The following DLG2 variants were observed in gnomAD, a reference collection of about 807,000 sequenced individuals.
The protein encoded by DLG2 is discs large MAGUK scaffold protein 2.
In DLG2, 45 loss-of-function variants were observed where a neutral mutation model predicts 132.5. The ratio of observed to expected loss-of-function variants is 0.34; its 90% CI spans 0.27 to 0.44. The LOEUF (loss-of-function observed/expected upper bound fraction) is 0.44. Ranked by LOEUF, DLG2 falls within the 20% of genes least tolerant of loss-of-function variation. DLG2 has a pLI of 1.00. For synonymous variants in DLG2, 424 were observed against 419.6 expected (o/e 1.01, Z -0.13); for missense variants, 1,045 against 1,196.9 (o/e 0.87, Z 1.87).
chr11:84,338,756 A>G (rs1322920199), intron 7 of DLG2, among the ~76,000 whole-genome samples: 1 of 152,168 alleles, frequency 6.6e-6, no homozygotes, highest in Non-Finnish European at 1.5e-5. Flanking sequence ...CAGTGAGCCA[A>G]GATGGCGCCA....
At chr11:84,897,744 T>C (rs577066219) in intron 6 of DLG2, among the ~76,000 whole-genome samples, 1 of 152,038 alleles carries the variant, frequency 6.6e-6, no homozygotes, top group African/African-American at 2.4e-5. Flanking sequence ...TTACATAGTG[T>C]TTCCTAAATC....
chr11:83,824,593 A>T (rs560683856), intron 17 of DLG2, among the ~76,000 whole-genome samples: 10 of 152,340 alleles, frequency 6.6e-5, no homozygotes, highest in African/African-American at 2.4e-4. Context: ...TCCAAAGACT[A>T]AAAAAGTTAT....
At chr11:85,209,828 C>T (rs1023629628) in intron 4 of DLG2, among the ~76,000 whole-genome samples, 1 of 152,032 alleles carries the variant, frequency 6.6e-6, no homozygotes, top group African/African-American at 2.4e-5. Flanking sequence ...GATTTCATCT[C>T]CTATTTCCAA....
intron 6 of DLG2, among the ~76,000 whole-genome samples, chr11:84,986,095 A>C (rs1375234717): frequency 6.6e-6 from 1 of 151,854 alleles, no homozygotes; most frequent in East Asian, 1.9e-4. Context: ...AATCCTAATA[A>C]GCCCAATTAC....
At chr11:84,467,584 T>G (rs767581712) in intron 7 of DLG2, among the ~76,000 whole-genome samples, 4 of 151,358 alleles carry the variant, frequency 2.6e-5, no homozygotes, top group Non-Finnish European at 4.4e-5. Context: ...TAGGAGAAAG[T>G]TGGGGAGACC....
At chr11:84,462,928 A>G (rs2099084347) in intron 7 of DLG2, among the ~76,000 whole-genome samples, 1 of 151,282 alleles carries the variant, frequency 6.6e-6, no homozygotes, top group African/African-American at 2.4e-5. Context: ...GAGTTTTACC[A>G]AATTTTTAAC....
intron 7 of DLG2, among the ~76,000 whole-genome samples, chr11:84,519,951 G>T (rs2099290238): frequency 6.6e-6 from 1 of 152,008 alleles, no homozygotes; most frequent in African/African-American, 2.4e-5. Context: ...TAGGGAAAGG[G>T]GTCATAGTTT....
intron 18 of DLG2, among the ~76,000 whole-genome samples, chr11:83,770,813 T>C (rs892012858): frequency 1.3e-5 from 2 of 152,200 alleles, no homozygotes; most frequent in Admixed American, 6.5e-5. Flanking sequence ...ATTACAATAA[T>C]GTATCCTTAA....
At chr11:83,964,670 T>C (rs531571285) in intron 13 of DLG2, among the ~76,000 whole-genome samples, 52 of 152,124 alleles carry the variant, frequency 3.4e-4, no homozygotes, top group Admixed American at 1.1e-3. Context: ...CGTGTTGACC[T>C]ATTAAGAAGA....
intron 3 of DLG2, among the ~76,000 whole-genome samples, chr11:85,437,147 C>T (rs776438674): frequency 6.6e-5 from 10 of 151,836 alleles, no homozygotes; most frequent in Non-Finnish European, 1.3e-4. Context: ...CCAGGAACTG[C>T]GTGGGGAGGG....
rs1567807075 is a variant in DLG2 at position 84,502,390 on chromosome 11, CTTTCTTTCTTTCTTTCTTT to C, written c.519+32161_519+32179del. On this transcript the variant is annotated intron_variant, in intron 7 of 27. Coordinates refer to ENST00000376104, the MANE Select transcript of DLG2 (RefSeq NM_001142699.3). ...TCTTTCTTTCTTTCTTTCTTTCTTT[CTTTCTTTCTTTCTTTCTTT>C]CTTTCTATACAGAGTCTCATGCTGT... 1.5e-3 allele frequency among the ~76,000 whole-genome samples: 140 copies of C among 91,544 alleles called. 4 individuals are homozygous for C. The highest frequency in any genetic ancestry group is 1.8e-3 in the African/African-American group (34 of 19,098). 60.1% of individuals were successfully genotyped at this position (91,544 alleles called of 152,430 possible).
Position 83,629,784 on chromosome 11 carries a change from C to T in DLG2, c.1940+3427G>A, listed in dbSNP as rs80249512. Among the ~76,000 whole-genome samples the T allele has an allele frequency of 3.0e-3, 464 of 152,212 alleles. 2 individuals are homozygous for T. The highest frequency in any genetic ancestry group is 0.011 in the African/African-American group (452 of 41,546). ...GTGAACGAGAGCCTCAAAATACACG[C>T]AATAAAATTCATATTCCAGTAGCTC... On this transcript the variant is annotated intron_variant, in intron 19 of 27. Coordinates refer to ENST00000376104, the MANE Select transcript of DLG2 (RefSeq NM_001142699.3).
chr11:83,904,784 C>T (rs1433438458), intron 15 of DLG2, among the ~76,000 whole-genome samples: 2 of 152,066 alleles, frequency 1.3e-5, no homozygotes, highest in Non-Finnish European at 2.9e-5. Flanking sequence ...TCCTATAACA[C>T]AACCACTTGC....
chr11:83,988,231 T>C (rs2154180394), intron 11 of DLG2, among the ~76,000 whole-genome samples: 1 of 152,314 alleles, frequency 6.6e-6, no homozygotes, highest in East Asian at 1.9e-4. Context: ...TGAATGGTAT[T>C]TCTTAGATTT....
At chr11:83,874,611 T>A in intron 15 of DLG2, 123 bp from the exon 16 acceptor site, 2 of 575,948 alleles carry the variant, frequency 3.5e-6, no homozygotes, top group Non-Finnish European at 5.6e-6. Context: ...TATGTATACA[T>A]GTGCCATGTT....
At chr11:85,060,240 G>A (rs2063914503) in intron 6 of DLG2, among the ~76,000 whole-genome samples, 2 of 151,192 alleles carry the variant, frequency 1.3e-5, no homozygotes, top group South Asian at 4.1e-4. Flanking sequence ...TGTCCTAAAG[G>A]TTTATCTTTG....
intron 9 of DLG2, among the ~76,000 whole-genome samples, chr11:84,125,867 G>C (rs991314051): frequency 6.6e-6 from 1 of 152,196 alleles, no homozygotes; most frequent in Non-Finnish European, 1.5e-5. Flanking sequence ...TTGTTAAATA[G>C]TAAACCAGTG....
Position 84,183,988 on chromosome 11 carries a change from G to C in DLG2, c.574-20477C>G, listed in dbSNP as rs568442876. On this transcript the variant is annotated intron_variant, in intron 8 of 27. Transcript: ENST00000376104. ...TCCAGTCTATCATTGTTGGACATTT[G>C]GGTTGGTTCCAAGTCTTTGCTATTG... Among the ~76,000 whole-genome samples the C allele has an allele frequency of 1.2e-3, 184 of 151,928 alleles. 1 individual carries two copies. Among genetic ancestry groups the C allele is most frequent in the African/African-American group, 4.2e-3 (175 of 41,442 alleles).
intron 4 of DLG2, among the ~76,000 whole-genome samples, chr11:85,178,605 C>A (rs918933348): frequency 2.6e-5 from 4 of 151,308 alleles, no homozygotes; most frequent in Non-Finnish European, 5.9e-5. Context: ...GAAGAAAATA[C>A]AAAGTCAATT....
Sources: gnomAD v4.1 joint callset for allele counts (sites outside exome capture counted in the v4.1 genomes callset) on GRCh38, gnomAD v4.1.1 for gene constraint, MANE v1.5 for transcripts, NCBI Gene and HGNC (gene_info 2026-07-23, HGNC 2026-07-21) for gene names.